FAM135B: variants seen among roughly 807,000 people sequenced by gnomAD.
FAM135B encodes the protein family with sequence similarity 135 member B, also known as protein FAM135B.
A neutral mutation model predicts 127.7 loss-of-function variants in FAM135B; 43 were observed. That is an observed-to-expected ratio of 0.34 (90% CI 0.26 to 0.43). FAM135B has a LOEUF of 0.43. Ranked by LOEUF, FAM135B falls within the 20% of genes least tolerant of loss-of-function variation. The probability of loss-of-function intolerance (pLI) is 1.00; values close to 1 mark genes in which losing one functional copy is unlikely to be tolerated. For missense variants in FAM135B, 1,558 were observed against 1,725.6 expected, an observed-to-expected ratio of 0.90 and a Z score of 1.72; for synonymous variants, 670 against 665.1, an observed-to-expected ratio of 1.01 and a Z score of -0.11.
chr8:138,306,319 C>A (rs1402803228), intron 3 of FAM135B, among the ~76,000 whole-genome samples: 1 of 151,672 alleles, frequency 6.6e-6, no homozygotes, highest in Non-Finnish European at 1.5e-5. Context: ...CCTGTAATCC[C>A]AGACACTTGG....
chr8:138,433,660 T>A (rs894621549), intron 1 of FAM135B, among the ~76,000 whole-genome samples: 1 of 152,182 alleles, frequency 6.6e-6, no homozygotes, highest in Non-Finnish European at 1.5e-5. Flanking sequence ...GAAGCTCACA[T>A]GGTGAGATGA....
chr8:138,236,210 C>T (rs897869276), intron 7 of FAM135B, among the ~76,000 whole-genome samples: 3 of 152,148 alleles, frequency 2.0e-5, no homozygotes, highest in South Asian at 2.1e-4. Flanking sequence ...AAATCAGAAA[C>T]GCACCCTGCT....
At chr8:138,175,254 T>C (rs1330768525) in intron 11 of FAM135B, among the ~76,000 whole-genome samples, 1 of 152,172 alleles carries the variant, frequency 6.6e-6, no homozygotes, top group Non-Finnish European at 1.5e-5. Context: ...TGGTCCCTAC[T>C]GCCCTCTGGC....
chr8:138,427,236 T>G (rs1000218441), intron 1 of FAM135B, among the ~76,000 whole-genome samples: 2 of 150,822 alleles, frequency 1.3e-5, no homozygotes, highest in Admixed American at 1.3e-4. Flanking sequence ...GGGTGCTAGT[T>G]AAACTGAATC....
At chr8:138,212,230 G>C (rs1818200094) in intron 7 of FAM135B, among the ~76,000 whole-genome samples, 1 of 152,278 alleles carries the variant, frequency 6.6e-6, no homozygotes, top group East Asian at 1.9e-4. Flanking sequence ...GTACATAGAA[G>C]ACAGGTATGC....
intron 2 of FAM135B, among the ~76,000 whole-genome samples, chr8:138,323,720 C>G (rs1466467257): frequency 6.6e-6 from 1 of 152,118 alleles, no homozygotes; most frequent in Non-Finnish European, 1.5e-5. Flanking sequence ...ATTGCAGGAC[C>G]CTCCTGGGCC....
intron 17 of FAM135B, among the ~76,000 whole-genome samples, chr8:138,140,409 A>T (rs1054196813): frequency 6.6e-6 from 1 of 152,218 alleles, no homozygotes; most frequent in Non-Finnish European, 1.5e-5. Flanking sequence ...ATGATTTAAT[A>T]AACGATTTGT....
intron 2 of FAM135B, among the ~76,000 whole-genome samples, chr8:138,338,396 C>A (rs1285689746): frequency 6.6e-6 from 1 of 152,064 alleles, no homozygotes; most frequent in Non-Finnish European, 1.5e-5. Context: ...CTACAATGAA[C>A]TCAAACAAAT....
chr8:138,351,236 T>C (rs1829762210), intron 2 of FAM135B, among the ~76,000 whole-genome samples: 1 of 152,178 alleles, frequency 6.6e-6, no homozygotes, highest in South Asian at 2.1e-4. Flanking sequence ...AATGTGGCAT[T>C]ATTTGGAAAC....
chr8:138,352,107 G>C (rs539639198), intron 2 of FAM135B, among the ~76,000 whole-genome samples: 5 of 152,302 alleles, frequency 3.3e-5, no homozygotes, highest in African/African-American at 1.2e-4. Flanking sequence ...CATGAAGGCT[G>C]ACTGATTACA....
At chr8:138,473,216 A>G (rs1814164599) in intron 1 of FAM135B, among the ~76,000 whole-genome samples, 1 of 152,140 alleles carries the variant, frequency 6.6e-6, no homozygotes, top group Non-Finnish European at 1.5e-5. Context: ...AGCACTAAGA[A>G]TAAAACATGC....
chr8:138,486,723 CCTCT>C (rs922488032), intron 1 of FAM135B, among the ~76,000 whole-genome samples: 2 of 152,128 alleles, frequency 1.3e-5, no homozygotes, highest in African/African-American at 2.4e-5. Flanking sequence ...ATACTGCTTC[CCTCT>C]CTCTCTGAGG....
At chr8:138,369,140 C>G (rs980065886) in intron 1 of FAM135B, among the ~76,000 whole-genome samples, 2 of 152,082 alleles carry the variant, frequency 1.3e-5, no homozygotes, top group African/African-American at 2.4e-5. Flanking sequence ...TGAGTAGACT[C>G]CCGATAGGAT....
At chr8:138,332,723 G>T (rs1443144200) in intron 2 of FAM135B, among the ~76,000 whole-genome samples, 1 of 152,226 alleles carries the variant, frequency 6.6e-6, no homozygotes, top group Non-Finnish European at 1.5e-5. Context: ...GCAGGATTTA[G>T]GGGCCTACGC....
chr8:138,357,477 T>G (rs938879695), intron 2 of FAM135B, among the ~76,000 whole-genome samples: 1 of 152,126 alleles, frequency 6.6e-6, no homozygotes, highest in Non-Finnish European at 1.5e-5. Context: ...TATAAAATAG[T>G]TTGTGCCTAG....
intron 1 of FAM135B, among the ~76,000 whole-genome samples, chr8:138,431,432 T>G (rs1033689397): frequency 2.6e-5 from 4 of 152,212 alleles, no homozygotes; most frequent in African/African-American, 9.6e-5. Context: ...TTCAAATGGC[T>G]TAAACCAGGG....
chr8:138,386,708 A>C (rs1256140471), intron 1 of FAM135B, among the ~76,000 whole-genome samples: 1 of 152,224 alleles, frequency 6.6e-6, no homozygotes. Flanking sequence ...TTTTAAAACA[A>C]TCTTCCTTTA....
chr8:138,327,905 T>C (rs1439366848), intron 2 of FAM135B, among the ~76,000 whole-genome samples: 3 of 152,080 alleles, frequency 2.0e-5, no homozygotes, highest in East Asian at 3.9e-4. Flanking sequence ...CCCTACAAGG[T>C]AGTAGAACAT....
At chr8:138,271,158 AC>A (rs1426664040) in intron 3 of FAM135B, among the ~76,000 whole-genome samples, 1 of 152,216 alleles carries the variant, frequency 6.6e-6, no homozygotes, top group African/African-American at 2.4e-5. Flanking sequence ...ATTGAGATCT[AC>A]AAGCACTTAC....
Sources: allele counts gnomAD v4.1 joint callset (sites outside exome capture counted in the v4.1 genomes callset), GRCh38; gene constraint gnomAD v4.1.1; transcripts MANE v1.5; gene names NCBI Gene and HGNC (gene_info 2026-07-23, HGNC 2026-07-21).